Variants in GMEB1 observed in about 807,000 individuals in gnomAD.
The protein encoded by GMEB1 is glucocorticoid modulatory element-binding protein 1.
GMEB1 carries 6 observed loss-of-function variants against 52.4 expected under a neutral mutation model. The observed-to-expected ratio is 0.11, with a 90% CI of 0.06 to 0.23. The LOEUF (loss-of-function observed/expected upper bound fraction) is 0.23, where lower values mean the gene tolerates loss of function less well. GMEB1 is among the 10% of genes least tolerant of loss of function. The pLI, the probability that GMEB1 is intolerant of heterozygous loss-of-function variation, is 1.00. For synonymous variants in GMEB1, 255 were observed against 244.9 expected (o/e 1.04, Z -0.38); for missense variants, 486 against 685.6 (o/e 0.71, Z 3.25).
At chr1:28,672,123 TTAAA>T (rs1419190829) in intron 1 of GMEB1, among the ~76,000 whole-genome samples, 2 of 150,852 alleles carry the variant, frequency 1.3e-5, no homozygotes, top group South Asian at 2.1e-4. Flanking sequence ...AAAAAAAAAA[TTAAA>T]TAAATATTTT....
In GMEB1 at chr1:28,712,546, C is replaced by T. The variant is rs749691535; in HGVS notation, c.992-1527C>T. ...AAGATATAAAGACATTTATGCCGGG[C>T]GCAGTGGCTCATGCCTGTAATCCCA... On this transcript the variant is annotated intron_variant, in intron 9 of 9. Transcript: ENST00000373816. Among the ~76,000 whole-genome samples the T allele has an allele frequency of 4.6e-5, 7 of 152,096 alleles. No individual in the cohort carries two copies. In the South Asian group the frequency reaches 6.2e-4, roughly 14 times the overall value.
At chr1:28,685,479 A>G (rs184335592) in intron 2 of GMEB1, among the ~76,000 whole-genome samples, 1 of 152,326 alleles carries the variant, frequency 6.6e-6, no homozygotes, top group Non-Finnish European at 1.5e-5. Context: ...AAAGAATACA[A>G]TAATGTAGAC....
rs1376376347 is a variant in GMEB1, at chr1:28,702,438, G to A, written c.599G>A (p.Gly200Asp). The change falls in exon 7 of 10, where the codon GGT becomes GAT. Residue 200 changes from glycine (G) to aspartate (D), a missense_variant and splice_region_variant. By Grantham distance (94) the Gly-to-Asp change is moderately conservative (BLOSUM62 -1). This residue lies in a region of GMEB1 where 200 missense variants were observed against 253.5 expected (regional missense o/e 0.79). Transcript: ENST00000373816. ...SVVQTPTSADGSITQIAISEE... is the reference protein window; with the variant it reads ...SVVQTPTSADDSITQIAISEE... Reference sequence around the variant, plus strand: ...CTCACCTCTACTGGACTGTTTTTAGGTAGCATCACGCAGATTGCCATCTCA... The same window carrying A: ...CTCACCTCTACTGGACTGTTTTTAGATAGCATCACGCAGATTGCCATCTCA... The A allele has an allele frequency of 6.2e-7, 1 of 1,612,974 alleles. No homozygotes were observed. The highest frequency in any genetic ancestry group is 2.2e-5 in the East Asian group (1 of 44,842).
At position 28,683,666 on chromosome 1, in the gene GMEB1, T is replaced by C; in HGVS notation, c.54T>C (p.Thr18=). 1 of 1,611,930 alleles carries C rather than the reference T, an allele frequency of 6.2e-7. No homozygotes were observed. Among genetic ancestry groups the C allele is most frequent in the Non-Finnish European group, 8.5e-7 (1 of 1,179,084 alleles). ...TGGGGGATGTGGTTGTGGTACCTAC[T>C]GAAGGAAATGAAGGGGAGAATCCTG... ...VPVGDVVVVP[T]EGNEGENPED... is the part of the protein sequence containing the mutation. The change falls in exon 2 of 10, where the codon ACT becomes ACC. Residue 18 remains threonine, a synonymous_variant. Transcript: ENST00000373816.
intron 7 of GMEB1, among the ~76,000 whole-genome samples, chr1:28,703,431 G>A (rs1670606659): frequency 6.6e-6 from 1 of 152,138 alleles, no homozygotes; most frequent in South Asian, 2.1e-4. Flanking sequence ...GGAGGCCAAG[G>A]TGGATGGATC....
intron 4 of GMEB1, 44 bp downstream of exon 4, chr1:28,691,753 T>C (rs1370381634): frequency 4.0e-6 from 5 of 1,265,646 alleles, no homozygotes; most frequent in South Asian, 3.7e-5. Flanking sequence ...GGACTCCTTG[T>C]TCTCAAAGGG....
chr1:28,692,831 G>A (rs1670027367), intron 4 of GMEB1, 111 bp from the exon 5 acceptor site: 2 of 539,104 alleles, frequency 3.7e-6, no homozygotes, highest in East Asian at 3.1e-5. Context: ...GGCTTAGGAT[G>A]TCATCTGGGT....
At chr1:28,705,421 T>C (rs1383475852) in intron 8 of GMEB1, among the ~76,000 whole-genome samples, 1 of 148,142 alleles carries the variant, frequency 6.8e-6, no homozygotes, top group Non-Finnish European at 1.5e-5. Context: ...GAAAGCATCC[T>C]CTCTCGCGCG....
chr1:28,700,186 G>A (rs1670427688), intron 6 of GMEB1, among the ~76,000 whole-genome samples: 2 of 151,700 alleles, frequency 1.3e-5, no homozygotes, highest in Non-Finnish European at 1.5e-5. Context: ...TGACCAACGT[G>A]GTGAAACCCC....
At chr1:28,672,772 G>A (rs1334741585) in intron 1 of GMEB1, among the ~76,000 whole-genome samples, 6 of 129,324 alleles carry the variant, frequency 4.6e-5, no homozygotes, top group Non-Finnish European at 7.8e-5. Flanking sequence ...ACGGAGTCTC[G>A]CTCTGTTGCC....
chr1:28,691,069 T>C (rs896045758), intron 3 of GMEB1, among the ~76,000 whole-genome samples: 5 of 151,974 alleles, frequency 3.3e-5, no homozygotes, highest in African/African-American at 7.3e-5. Context: ...GACAGGTGGA[T>C]CAGTTGAGGT....
chr1:28,706,313 TG>T (rs923247119), intron 8 of GMEB1, among the ~76,000 whole-genome samples: 13 of 151,784 alleles, frequency 8.6e-5, no homozygotes, highest in African/African-American at 3.1e-4. Context: ...CTAATAGAAA[TG>T]GGGTTATGGG....
chr1:28,705,187 G>A (rs12757103), intron 8 of GMEB1, among the ~76,000 whole-genome samples: 7 of 150,296 alleles, frequency 4.7e-5, no homozygotes, highest in Admixed American at 2.0e-4. Context: ...TCAGGAGTTC[G>A]AGACCAGCCT....
intron 1 of GMEB1, among the ~76,000 whole-genome samples, chr1:28,669,172 C>T (rs1259303833): frequency 6.6e-6 from 1 of 151,446 alleles, no homozygotes; most frequent in Non-Finnish European, 1.5e-5. Context: ...GGGGCCCCGG[C>T]GCCCCCGGAC....
chr1:28,703,819 A>C (rs1292588179), intron 7 of GMEB1, among the ~76,000 whole-genome samples: 1 of 152,148 alleles, frequency 6.6e-6, no homozygotes, highest in Non-Finnish European at 1.5e-5. Flanking sequence ...TTTACTATTT[A>C]ACTTTTATGA....
Position 28,718,147 on chromosome 1 carries a change from C to A in GMEB1, c.*3374C>A, listed in dbSNP as rs1476017750. On this transcript the variant is annotated 3_prime_UTR_variant, in exon 10 of 10. Transcript: ENST00000373816. ...ATAAGCAGTTGCAATGAACCTTAGG[C>A]TGACTTGGTAGTAGGCATTTGTCTT... The A allele has an allele frequency of 2.0e-5, 3 of 152,186 alleles. No homozygotes were observed. The highest frequency in any genetic ancestry group is 7.2e-5 in the African/African-American group (3 of 41,442). 9.4% of individuals were successfully genotyped at this position (152,186 alleles called of 1,614,324 possible).
intron 1 of GMEB1, among the ~76,000 whole-genome samples, chr1:28,674,708 C>CT (rs34267851): frequency 0.068 from 3,363 of 49,208 alleles, 688 homozygotes; most frequent in East Asian, 0.1. Context: ...ATAGTTAATT[C>CT]TTTTTTTTTT....
intron 1 of GMEB1, among the ~76,000 whole-genome samples, chr1:28,681,035 ACT>A (rs1288251357): frequency 6.6e-6 from 1 of 151,940 alleles, no homozygotes; most frequent in Non-Finnish European, 1.5e-5. Context: ...CAAGAACGAA[ACT>A]CTGTCTAAAA....
chr1:28,697,181 ATATATATATATATATATATG>A (rs1670256928), intron 6 of GMEB1, 97 bp downstream of exon 6: 2 of 190,556 alleles, frequency 1.0e-5, no homozygotes, highest in African/African-American at 5.6e-5. Context: ...ATATATATAT[ATATATATATATATATATATG>A]TATTTTTTTA....
Sources: allele counts gnomAD v4.1 joint callset (sites outside exome capture counted in the v4.1 genomes callset), GRCh38; gene constraint gnomAD v4.1.1; regional missense constraint gnomAD v4.1.1; transcripts MANE v1.5; gene names NCBI Gene and HGNC (gene_info 2026-07-23, HGNC 2026-07-21).